ZCWPW2: variants seen among roughly 807,000 people sequenced by gnomAD.
ZCWPW2 encodes the protein zinc finger CW-type PWWP domain protein 2.
A neutral mutation model predicts 46.6 loss-of-function variants in ZCWPW2; 45 were observed. The ratio of observed to expected loss-of-function variants is 0.96; its 90% CI spans 0.76 to 1.24. The LOEUF is 1.24. Among genes scored for constraint, ZCWPW2 ranks in the 50% most tolerant of loss-of-function variants. ZCWPW2 has a pLI of 0.00. For synonymous variants in ZCWPW2, 152 were observed against 137.1 expected (o/e 1.11, Z -0.76); for missense variants, 429 against 403.9 (o/e 1.06, Z -0.53).
chr3:28,429,581 G>C (rs2125757129), intron 3 of ZCWPW2, among the ~76,000 whole-genome samples: 1 of 152,322 alleles, frequency 6.6e-6, no homozygotes, highest in South Asian at 2.1e-4. Context: ...AATTTGCATA[G>C]TAACAAGAAG....
chr3:28,356,147 A>G (rs998084335), intron 1 of ZCWPW2, among the ~76,000 whole-genome samples: 5 of 152,234 alleles, frequency 3.3e-5, no homozygotes, highest in African/African-American at 1.2e-4. Flanking sequence ...ACTTAAACAA[A>G]TTTACAAGAA....
chr3:28,471,584 A>G (rs905314464), intron 4 of ZCWPW2, among the ~76,000 whole-genome samples: 1 of 152,194 alleles, frequency 6.6e-6, no homozygotes, highest in Admixed American at 6.5e-5. Context: ...AACTGGGTAT[A>G]GAAGGAACAT....
At chr3:28,466,634 A>C (rs1422029446) in intron 4 of ZCWPW2, among the ~76,000 whole-genome samples, 1 of 152,102 alleles carries the variant, frequency 6.6e-6, no homozygotes, top group Admixed American at 6.5e-5. Flanking sequence ...CCCTGTCTCT[A>C]TTAAAAATAC....
At chr3:28,459,664 G>A (rs1698554835) in intron 4 of ZCWPW2, among the ~76,000 whole-genome samples, 1 of 152,070 alleles carries the variant, frequency 6.6e-6, no homozygotes, top group South Asian at 2.1e-4. Context: ...TTCTTCTTTT[G>A]GTGGTGCCTG....
At chr3:28,465,573 G>A (rs941623776) in intron 4 of ZCWPW2, among the ~76,000 whole-genome samples, 15 of 152,042 alleles carry the variant, frequency 9.9e-5, no homozygotes, top group Admixed American at 3.3e-4. Context: ...TTGTTCAGGT[G>A]GGAAATTTGA....
At chr3:28,471,860 A>G (rs910170059) in intron 4 of ZCWPW2, among the ~76,000 whole-genome samples, 18 of 152,184 alleles carry the variant, frequency 1.2e-4, no homozygotes, top group Admixed American at 1.1e-3. Flanking sequence ...TGTTAGAACT[A>G]ATAATCAAAT....
At chr3:28,452,131 A>G (rs1473254386) in intron 4 of ZCWPW2, among the ~76,000 whole-genome samples, 1 of 152,230 alleles carries the variant, frequency 6.6e-6, no homozygotes, top group Non-Finnish European at 1.5e-5. Flanking sequence ...TAGGAAAAGA[A>G]TAAAGTTGTC....
chr3:28,399,192 A>G (rs1264431726), intron 2 of ZCWPW2, among the ~76,000 whole-genome samples: 1 of 152,056 alleles, frequency 6.6e-6, no homozygotes, highest in Non-Finnish European at 1.5e-5. Context: ...AACCTGCATG[A>G]CAGTGTAGAC....
chr3:28,392,108 A>G (rs1043630056), intron 2 of ZCWPW2, among the ~76,000 whole-genome samples: 3 of 152,198 alleles, frequency 2.0e-5, no homozygotes, highest in African/African-American at 7.2e-5. Context: ...CTTTAAGGAC[A>G]TATAGACTGA....
At chr3:28,409,682 A>G (rs1375232655) in intron 2 of ZCWPW2, among the ~76,000 whole-genome samples, 1 of 152,178 alleles carries the variant, frequency 6.6e-6, no homozygotes, top group African/African-American at 2.4e-5. Context: ...TTGTTAAATC[A>G]TGTATTAAGA....
At chr3:28,433,917 G>GCT (rs540530660) in intron 3 of ZCWPW2, among the ~76,000 whole-genome samples, 1 of 140,736 alleles carries the variant, frequency 7.1e-6, no homozygotes, top group Non-Finnish European at 1.5e-5. Context: ...TTCCACCCCA[G>GCT]TTTTTTTTTT....
At position 28,498,273 on chromosome 3, in the gene ZCWPW2, A is replaced by G. The variant is rs1029388345; in HGVS notation, c.657+6100A>G. 4.0e-3 allele frequency among the ~76,000 whole-genome samples: 559 copies of G among 140,954 alleles called. 4 individuals are homozygous for G. The highest frequency in any genetic ancestry group is 0.015 in the African/African-American group (516 of 35,516). The allele number at this position is 140,954 out of a possible 152,430, so 92.5% of individuals were successfully genotyped here. A position where few individuals can be genotyped will look rare whatever the true frequency, so the allele number is the denominator to read the frequency against. On this transcript the variant is annotated intron_variant, in intron 6 of 9. Transcript: ENST00000383768. ...TGTGTGTGTGTGTGTGTGTGTGTGT[A>G]TTCAGGAAACAGTGTACTGTGGTGG...
chr3:28,416,815 C>T (rs1156685463), intron 3 of ZCWPW2, among the ~76,000 whole-genome samples: 2 of 109,768 alleles, frequency 1.8e-5, no homozygotes, highest in South Asian at 3.6e-4. Flanking sequence ...TGCTGGAGTA[C>T]GTTTATTGAT....
intron 3 of ZCWPW2, among the ~76,000 whole-genome samples, chr3:28,423,578 G>A (rs1383763581): frequency 6.6e-6 from 1 of 151,730 alleles, no homozygotes; most frequent in Non-Finnish European, 1.5e-5. Context: ...ATGTTAGCCA[G>A]GATGGTCTCG....
At chr3:28,364,983 T>C (rs759015754) in intron 1 of ZCWPW2, among the ~76,000 whole-genome samples, 19 of 152,178 alleles carry the variant, frequency 1.2e-4, no homozygotes, top group Non-Finnish European at 2.1e-4. Flanking sequence ...TGCCCACTTT[T>C]TGATGGGGTT....
chr3:28,483,132 G>A lies in ZCWPW2; in HGVS notation c.610+4201G>A, dbSNP rs751493492. On this transcript the variant is annotated intron_variant, in intron 5 of 9. Transcript: ENST00000383768. ...TAGGAGTTTTATAATTTTGCATTTC[G>A]CCCTATGATTCATTGTGAGTTCCTT... 2.9e-4 allele frequency among the ~76,000 whole-genome samples: 44 copies of A among 151,980 alleles called. 2 individuals carry two copies. Among genetic ancestry groups the A allele is most frequent in the Admixed American group, 1.4e-3 (22 of 15,240 alleles).
Position 28,413,209 on chromosome 3 carries a change from G to A in ZCWPW2, c.141G>A (p.Glu47=), listed in dbSNP as rs754646101. ...NCLKWRLLSS[E]DSAKVDHDEP... is the part of the protein sequence containing the mutation. ...TGAAATGGAGATTGTTATCAAGTGA[G>A]GATTCAGCCAAGGTTGATCATGATG... is the stretch of plus-strand genomic sequence containing the variant. Residue 47 remains glutamate, a synonymous_variant, in exon 3 of 10, where the codon GAG becomes GAA. Transcript: ENST00000383768. The A allele has an allele frequency of 6.2e-7, 1 of 1,613,372 alleles. No homozygotes were observed. Among genetic ancestry groups the A allele is most frequent in the Admixed American group, 1.7e-5 (1 of 59,912 alleles).
chr3:28,436,323 C>CTTTTTTTTTTTTTTT (rs71087698), intron 4 of ZCWPW2, among the ~76,000 whole-genome samples: 5 of 116,838 alleles, frequency 4.3e-5, no homozygotes, highest in African/African-American at 6.6e-5. Context: ...TCTTTTTTTT[C>CTTTTTTTTTTTTTTT]TTTTTTTTTT....
intron 1 of ZCWPW2, among the ~76,000 whole-genome samples, chr3:28,366,115 C>G (rs1000801332): frequency 1.3e-5 from 2 of 150,736 alleles, no homozygotes; most frequent in South Asian, 4.2e-4. Context: ...TTCCTCTTTT[C>G]CTAATTGAAT....
Sources: allele counts gnomAD v4.1 joint callset (sites outside exome capture counted in the v4.1 genomes callset), GRCh38; gene constraint gnomAD v4.1.1; transcripts MANE v1.5; gene names NCBI Gene and HGNC (gene_info 2026-07-23, HGNC 2026-07-21).